GRIN2B: variants seen among roughly 807,000 people sequenced by gnomAD.
GRIN2B encodes glutamate ionotropic receptor NMDA type subunit 2B.
GRIN2B carries 5 observed loss-of-function variants against 114.5 expected under a neutral mutation model. That is an observed-to-expected ratio of 0.04 (90% CI 0.02 to 0.09). GRIN2B has a LOEUF of 0.09. Among genes scored for constraint, GRIN2B ranks in the 10% least tolerant of loss-of-function variants. The pLI is 1.00. For missense variants in GRIN2B, 1,108 were observed against 1,943.5 expected (o/e 0.57, Z 8.08); for synonymous variants, 787 against 745.1 (o/e 1.06, Z -0.92).
chr12:13,575,681 A>G (rs1948766659), intron 10 of GRIN2B, among the ~76,000 whole-genome samples: 1 of 150,694 alleles, frequency 6.6e-6, no homozygotes, highest in African/African-American at 2.5e-5. Context: ...AACAATAATA[A>G]TAATAATAAT....
intron 4 of GRIN2B, among the ~76,000 whole-genome samples, chr12:13,705,471 G>A (rs1297259491): frequency 2.6e-5 from 4 of 152,106 alleles, no homozygotes; most frequent in Non-Finnish European, 5.9e-5. Flanking sequence ...TTCATGGCAG[G>A]AGGCACACAA....
At chr12:13,761,165 C>A (rs986364683) in intron 3 of GRIN2B, among the ~76,000 whole-genome samples, 1 of 152,130 alleles carries the variant, frequency 6.6e-6, no homozygotes, top group Admixed American at 6.6e-5. Flanking sequence ...GAAATTCAAG[C>A]AGATCTGGCA....
At chr12:13,970,906 T>C (rs1256066868) in intron 2 of GRIN2B, among the ~76,000 whole-genome samples, 6 of 152,090 alleles carry the variant, frequency 3.9e-5, no homozygotes, top group Non-Finnish European at 8.8e-5. Context: ...ACTGAAATAT[T>C]CTCCATTCCC....
chr12:13,895,991 A>G (rs993557220), intron 2 of GRIN2B, among the ~76,000 whole-genome samples: 4 of 152,206 alleles, frequency 2.6e-5, no homozygotes, highest in Non-Finnish European at 4.4e-5. Context: ...ATGTGTGCAT[A>G]CGATAGTATA....
intron 5 of GRIN2B, among the ~76,000 whole-genome samples, chr12:13,626,664 T>C (rs1949570077): frequency 6.6e-6 from 1 of 152,134 alleles, no homozygotes; most frequent in Non-Finnish European, 1.5e-5. Flanking sequence ...AAGTCAGAAA[T>C]GCCCAATTTG....
chr12:13,962,082 T>TCATA (rs767915047), intron 2 of GRIN2B, among the ~76,000 whole-genome samples: 6 of 59,804 alleles, frequency 1.0e-4, no homozygotes, highest in African/African-American at 3.4e-4. Flanking sequence ...TCTGTCTCTC[T>TCATA]CATACATACA....
intron 2 of GRIN2B, 68 bp downstream of exon 2, chr12:13,979,860 C>T (rs781467969): frequency 8.6e-5 from 13 of 151,942 alleles, no homozygotes; most frequent in Non-Finnish European, 1.6e-4. Flanking sequence ...TTGAGGGACT[C>T]GAAGAGATAG....
chr12:13,799,037 T>C (rs973605908), intron 3 of GRIN2B, among the ~76,000 whole-genome samples: 1 of 152,212 alleles, frequency 6.6e-6, no homozygotes, highest in African/African-American at 2.4e-5. Context: ...CAAGTTTGGG[T>C]ACTGGGACTG....
At chr12:13,889,276 C>T (rs1866218401) in intron 2 of GRIN2B, among the ~76,000 whole-genome samples, 1 of 152,182 alleles carries the variant, frequency 6.6e-6, no homozygotes, top group South Asian at 2.1e-4. Flanking sequence ...GTCCATTGTA[C>T]ACGTGGTCCA....
intron 10 of GRIN2B, among the ~76,000 whole-genome samples, chr12:13,606,240 G>C (rs1949246201): frequency 6.6e-6 from 1 of 152,124 alleles, no homozygotes; most frequent in African/African-American, 2.4e-5. Flanking sequence ...GATTCAGTTG[G>C]CTCACAATTC....
At chr12:13,736,826 C>T (rs1001663228) in intron 4 of GRIN2B, among the ~76,000 whole-genome samples, 1 of 151,960 alleles carries the variant, frequency 6.6e-6, no homozygotes, top group African/African-American at 2.4e-5. Context: ...TCAAGACCAT[C>T]CTGGCTAACA....
chr12:13,687,843 C>G (rs1024673887), intron 4 of GRIN2B, among the ~76,000 whole-genome samples: 1 of 152,290 alleles, frequency 6.6e-6, no homozygotes, highest in East Asian at 1.9e-4. Flanking sequence ...TGACATTTTT[C>G]CCCTCTTCAG....
At chr12:13,779,703 C>T (rs140339040) in intron 3 of GRIN2B, among the ~76,000 whole-genome samples, 2 of 152,150 alleles carry the variant, frequency 1.3e-5, no homozygotes, top group African/African-American at 2.4e-5. Flanking sequence ...ATTTCAAGTG[C>T]TCAGTTGCTA....
intron 4 of GRIN2B, among the ~76,000 whole-genome samples, chr12:13,689,763 G>A (rs180879383): frequency 1.2e-3 from 182 of 152,232 alleles, no homozygotes; most frequent in African/African-American, 4.1e-3. Context: ...TACCTGTTTG[G>A]AATTCTCTCA....
chr12:13,865,571 G>A (rs1468569397), intron 3 of GRIN2B, among the ~76,000 whole-genome samples: 1 of 152,136 alleles, frequency 6.6e-6, no homozygotes, highest in East Asian at 1.9e-4. Flanking sequence ...AGTGGAGGTT[G>A]CAGTGAGCCG....
chr12:13,682,306 C>G (rs1287291830), intron 4 of GRIN2B, among the ~76,000 whole-genome samples: 2 of 151,728 alleles, frequency 1.3e-5, no homozygotes, highest in Admixed American at 1.3e-4. Context: ...ATATTAAACT[C>G]TGTGGTTGGA....
intron 3 of GRIN2B, among the ~76,000 whole-genome samples, chr12:13,757,829 A>AT (rs1242843226): frequency 2.0e-5 from 3 of 152,134 alleles, no homozygotes; most frequent in African/African-American, 4.8e-5. Flanking sequence ...GCTAATAAGA[A>AT]TAAAAAAAAA....
chr12:13,718,043 A>T (rs1463015895), intron 4 of GRIN2B, among the ~76,000 whole-genome samples: 1 of 151,936 alleles, frequency 6.6e-6, no homozygotes, highest in African/African-American at 2.4e-5. Flanking sequence ...ATGATGATTC[A>T]TTCCCTGCAT....
In GRIN2B at chr12:13,927,982, A is replaced by AAAAAAAAAAAAAG. The variant is rs71067738; in HGVS notation, c.-19+51945_-19+51946insCTTTTTTTTTTTT. On this transcript the variant is annotated intron_variant, in intron 2 of 13. Transcript: ENST00000609686. ...ACCCTGTCTCAAAAAAAAAAAAAAA[A>AAAAAAAAAAAAAG]GGGGGGGTATGCTGTGGAAAGGATG... 3.9e-3 allele frequency among the ~76,000 whole-genome samples: 506 copies of AAAAAAAAAAAAAG among 129,702 alleles called. 19 individuals are homozygous for AAAAAAAAAAAAAG. The highest frequency in any genetic ancestry group is 0.014 in the African/African-American group (486 of 35,562). The allele number at this position is 129,702 out of a possible 152,430, so 85.1% of individuals were successfully genotyped here. A position where few individuals can be genotyped will look rare whatever the true frequency, so the allele number is the denominator to read the frequency against.
Sources: gnomAD v4.1 joint callset for allele counts (sites outside exome capture counted in the v4.1 genomes callset) on GRCh38, gnomAD v4.1.1 for gene constraint, MANE v1.5 for transcripts, NCBI Gene and HGNC (gene_info 2026-07-23, HGNC 2026-07-21) for gene names.